The following TMF1 variants were observed in gnomAD, a reference collection of about 807,000 sequenced individuals.
TMF1 encodes TATA element modulatory factor.
A neutral mutation model predicts 126.5 loss-of-function variants in TMF1; 71 were observed. The observed-to-expected ratio is 0.56, with a 90% CI of 0.46 to 0.68. The LOEUF is 0.68. Among genes scored for constraint, TMF1 ranks in the 30% least tolerant of loss-of-function variants. TMF1 has a pLI of 0.00. For synonymous variants in TMF1, 461 were observed against 430.5 expected (o/e 1.07, Z -0.88); for missense variants, 1,259 against 1,253.2 (o/e 1.00, Z -0.07).
Position 69,035,075 on chromosome 3 carries a change from G to T in TMF1, c.2192C>A (p.Ala731Glu). Reference protein sequence around the residue: ...LRLALQRTEQAAARKEDYLRH... With the variant: ...LRLALQRTEQEAARKEDYLRH... ...TAAATAATCCTCCTTTCTGGCAGCC[G>T]CTTGTTCTGTACGCTGCAATGCAAG... Residue 731 changes from alanine (A) to glutamate (E), a missense_variant, in exon 9 of 17, where the codon GCG becomes GAG. Coordinates refer to ENST00000398559, the MANE Select transcript of TMF1 (RefSeq NM_007114.3). 1.2e-6 allele frequency: 2 copies of T among 1,614,096 alleles called. No individual in the cohort carries two copies. The highest frequency in any genetic ancestry group is 1.7e-6 in the Non-Finnish European group (2 of 1,179,992).
intron 5 of TMF1, chr3:69,040,400 G>GA (rs2091857021): frequency 1.3e-5 from 2 of 152,232 alleles, no homozygotes; most frequent in South Asian, 4.1e-4. Flanking sequence ...ACCTGTCAAG[G>GA]AAAACGTACT....
rs1228160233 is a variant in TMF1, at chr3:69,035,054, T to C, written c.2213A>G (p.Tyr738Cys). ...AAGTTCACCGATCTCATGGCGTAAA[T>C]AATCCTCCTTTCTGGCAGCCGCTTG... The part of the protein sequence containing the change: ...TEQAAARKED[Y>C]LRHEIGELQQ... Residue 738 changes from tyrosine (Y) to cysteine (C), a missense_variant, in exon 9 of 17, where the codon TAT becomes TGT. Tyr to Cys is a radical substitution (Grantham distance 194). Coordinates refer to ENST00000398559, the MANE Select transcript of TMF1 (RefSeq NM_007114.3). 2 of 1,614,056 alleles carry C rather than the reference T, an allele frequency of 1.2e-6. No individual in the cohort carries two copies. The highest frequency in any genetic ancestry group is 2.7e-5 in the African/African-American group (2 of 74,944).
intron 11 of TMF1, among the ~76,000 whole-genome samples, 158 bp from the exon 12 acceptor site, chr3:69,028,453 C>G (rs1308499006): frequency 6.6e-6 from 1 of 152,194 alleles, no homozygotes; most frequent in African/African-American, 2.4e-5. Context: ...GTTCCAGATC[C>G]CATCTGAGTT....
At position 69,036,533 on chromosome 3, in the gene TMF1, A is replaced by G. The variant is rs369280643; in HGVS notation, c.2152-1418T>C. 9.2e-5 allele frequency among the ~76,000 whole-genome samples: 14 copies of G among 152,342 alleles called. 1 individual carries two copies. The South Asian group carries it at 2.7e-3, about 29-fold the overall frequency. ...AGAACATGTAAGTATATAGATACAT[A>G]TATTTTCTTGCATTTTGCCAATAGA... On this transcript the variant is annotated intron_variant, in intron 8 of 16. Transcript: ENST00000398559.
chr3:69,047,809 G>A lies in TMF1; in HGVS notation c.896C>T (p.Ser299Phe). Residue 299 changes from serine to phenylalanine, a missense_variant, in exon 2 of 17, where the codon TCT becomes TTT. Ser to Phe is a radical substitution (Grantham distance 155). Transcript: ENST00000398559. ...TAAACGATTATATTCAGGACAAGCA[G>A]ATGCAGAGAGAAGCTGAAAAGATGT... ...MQTSFQLLSA[S>F]ACPEYNRLDD... The A allele has an allele frequency of 6.2e-7, 1 of 1,614,076 alleles. No homozygotes were observed. The highest frequency in any genetic ancestry group is 8.5e-7 in the Non-Finnish European group (1 of 1,180,034).
intron 8 of TMF1, among the ~76,000 whole-genome samples, chr3:69,037,396 T>C (rs1323522631): frequency 1.3e-5 from 2 of 152,024 alleles, no homozygotes; most frequent in Non-Finnish European, 2.9e-5. Context: ...TCCAAGCACT[T>C]TGGGAGGCGG....
In TMF1 at chr3:69,039,452, T is replaced by C. The variant is rs984704320; in HGVS notation, c.1827+99A>G. ...TTTGAAAAATCCTTCTTACATGATATACCCCATTAAATCTTTTCAAATGCT... is the reference window on the plus strand; with the variant it reads ...TTTGAAAAATCCTTCTTACATGATACACCCCATTAAATCTTTTCAAATGCT... On this transcript the variant is annotated intron_variant, in intron 6 of 16. Transcript: ENST00000398559. The C allele has an allele frequency of 2.9e-5, 38 of 1,289,770 alleles. No individual in the cohort carries two copies. The Middle Eastern group carries it at 9.6e-4, about 33-fold the overall frequency. The allele number at this position is 1,289,770 out of a possible 1,614,324, so 79.9% of individuals were successfully genotyped here. A position where few individuals can be genotyped will look rare whatever the true frequency, so the allele number is the denominator to read the frequency against.
intron 9 of TMF1, chr3:69,033,946 TGGGA>T: frequency 3.2e-6 from 1 of 310,242 alleles, no homozygotes; most frequent in South Asian, 5.6e-5. Flanking sequence ...TCCTCCCAGC[TGGGA>T]CTACAGGTAC....
chr3:69,044,321 A>G (rs1304566516), intron 3 of TMF1, among the ~76,000 whole-genome samples, 171 bp downstream of exon 3: 1 of 152,220 alleles, frequency 6.6e-6, no homozygotes, highest in Non-Finnish European at 1.5e-5. Context: ...GCAAAGGGTA[A>G]AGACAATCAA....
At chr3:69,050,822 A>C (rs1432107917) in intron 1 of TMF1, among the ~76,000 whole-genome samples, 13 of 152,218 alleles carry the variant, frequency 8.5e-5, no homozygotes. Flanking sequence ...GGAGTAGTCA[A>C]GTACATCTCT....
chr3:69,046,939 T>C (rs1218670823), intron 2 of TMF1, among the ~76,000 whole-genome samples: 8 of 152,182 alleles, frequency 5.3e-5, no homozygotes, highest in Non-Finnish European at 5.9e-5. Context: ...AATGTAAACA[T>C]GTAAAAACAA....
rs1369880399 is a variant in TMF1 at position 69,052,144 on chromosome 3, G to C, written c.-58C>G. On this transcript the variant is annotated 5_prime_UTR_variant, in exon 1 of 17. Coordinates refer to ENST00000398559, the MANE Select transcript of TMF1 (RefSeq NM_007114.3). ...CACCAAGCGGGAAGGCCTCAGGCCT[G>C]GGGAAGGGTGCAGAGGAACGGCTTC... 17 of 1,559,036 alleles carry C rather than the reference G, an allele frequency of 1.1e-5. No homozygotes were observed. Among genetic ancestry groups the C allele is most frequent in the Non-Finnish European group, 1.5e-5 (17 of 1,156,866 alleles).
At chr3:69,034,507 G>C (rs948738732) in intron 9 of TMF1, among the ~76,000 whole-genome samples, 22 of 151,980 alleles carry the variant, frequency 1.4e-4, no homozygotes, top group Admixed American at 1.4e-3. Context: ...ATAAATAAGT[G>C]CTTCTTTAAA....
Position 69,026,113 on chromosome 3 carries a change from A to C in TMF1, c.2758-16T>G. The C allele has an allele frequency of 6.4e-7, 1 of 1,573,770 alleles. No individual in the cohort carries two copies. Among genetic ancestry groups the C allele is most frequent in the Middle Eastern group, 1.7e-4 (1 of 5,974 alleles). The stretch of plus-strand genomic sequence containing the variant: ...GCTTGCGTTCCTTAGGGAGTAAAAA[A>C]AATTCTGTTCATATTAAAGAGCAAA... On this transcript the variant is annotated splice_polypyrimidine_tract_variant and intron_variant, in intron 13 of 16. Coordinates refer to ENST00000398559, the MANE Select transcript of TMF1 (RefSeq NM_007114.3).
Position 69,052,217 on chromosome 3 carries a change from C to T in TMF1, c.-131G>A. On this transcript the variant is annotated 5_prime_UTR_variant, in exon 1 of 17. Transcript: ENST00000398559. ...GTTCTGTCAGCGTGTGGCCATTACC[C>T]CGACAGCCTCCCGCGAGCCCGGGAT... is the stretch of plus-strand genomic sequence containing the variant. 1 of 1,037,110 alleles carries T rather than the reference C, an allele frequency of 9.6e-7. No homozygotes were observed. The highest frequency in any genetic ancestry group is 1.3e-6 in the Non-Finnish European group (1 of 745,358). The allele number at this position is 1,037,110 out of a possible 1,614,324, so 64.2% of individuals were successfully genotyped here. A position where few individuals can be genotyped will look rare whatever the true frequency, so the allele number is the denominator to read the frequency against.
At chr3:69,023,343 A>G in intron 16 of TMF1, 23 bp from the exon 17 acceptor site, 1 of 1,581,068 alleles carries the variant, frequency 6.3e-7, no homozygotes, top group South Asian at 1.1e-5. Flanking sequence ...TTTGTTTACA[A>G]TTTTTAAAAT....
intron 7 of TMF1, 58 bp downstream of exon 7, chr3:69,038,785 C>T (rs994285521): frequency 9.5e-6 from 15 of 1,587,136 alleles, no homozygotes; most frequent in Admixed American, 5.5e-5. Context: ...AGTATTTCTT[C>T]AACATCCTAC....
In TMF1 at chr3:69,022,886, C is replaced by T. The variant is rs2091747260; in HGVS notation, c.*291G>A. ...ATGAACACCATTCTTCTTCTCTAGC[C>T]ATATTTATATGAGGATAAAGTAATA... On this transcript the variant is annotated 3_prime_UTR_variant, in exon 17 of 17. Coordinates refer to ENST00000398559, the MANE Select transcript of TMF1 (RefSeq NM_007114.3). 1 of 221,890 alleles carries T rather than the reference C, an allele frequency of 4.5e-6. No homozygotes were observed. 13.7% of individuals were successfully genotyped at this position (221,890 alleles called of 1,614,324 possible). A position where few individuals can be genotyped will look rare whatever the true frequency, so the allele number is the denominator to read the frequency against.
Position 69,027,881 on chromosome 3 carries a change from C to G in TMF1, c.2757+19G>C. 7.1e-7 allele frequency: 1 copy of G among 1,408,496 alleles called. No individual in the cohort carries two copies. Among genetic ancestry groups the G allele is most frequent in the South Asian group, 1.2e-5 (1 of 82,596 alleles). 87.2% of individuals were successfully genotyped at this position (1,408,496 alleles called of 1,614,324 possible). A position where few individuals can be genotyped will look rare whatever the true frequency, so the allele number is the denominator to read the frequency against. On this transcript the variant is annotated intron_variant, in intron 13 of 16. Transcript: ENST00000398559. ...ACTAAATGGTTACACCACAAACAAACAAAAACAAAATTCAATACCTTTTCT... is the reference window on the plus strand; with the variant it reads ...ACTAAATGGTTACACCACAAACAAAGAAAAACAAAATTCAATACCTTTTCT...
Sources: allele counts gnomAD v4.1 joint callset (sites outside exome capture counted in the v4.1 genomes callset), GRCh38; gene constraint gnomAD v4.1.1; transcripts MANE v1.5; gene names NCBI Gene and HGNC (gene_info 2026-07-23, HGNC 2026-07-21).